INTS6L: variants seen among roughly 807,000 people sequenced by gnomAD.
INTS6L encodes integrator complex subunit 6-like.
INTS6L carries 18 observed loss-of-function variants against 64.7 expected under a neutral mutation model. The observed-to-expected ratio is 0.28, with a 90% CI of 0.19 to 0.41. The LOEUF (loss-of-function observed/expected upper bound fraction) is 0.41. Ranked by LOEUF, INTS6L falls within the 10% of genes least tolerant of loss-of-function variation. The pLI is 1.00. For missense variants in INTS6L, 533 were observed against 661.0 expected (o/e 0.81, Z 2.12); for synonymous variants, 227 against 235.9 (o/e 0.96, Z 0.34).
At chrX:135,563,643 A>G (rs1461355989) in intron 9 of INTS6L, among the ~76,000 whole-genome samples, 2 of 11,001 alleles carry the variant, frequency 1.8e-4, no homozygotes, top group African/African-American at 4.9e-4. Flanking sequence ...GTATATATAT[A>G]TATATATATA....
chrX:135,537,549 T>C (rs1490283526), intron 2 of INTS6L, among the ~76,000 whole-genome samples: 1 of 111,748 alleles, frequency 8.9e-6, no homozygotes, highest in East Asian at 2.8e-4. Context: ...ACAGTGGGAT[T>C]AAGTGACTTA....
intron 2 of INTS6L, among the ~76,000 whole-genome samples, chrX:135,527,136 C>T (rs2085761935): frequency 9.0e-6 from 1 of 111,731 alleles, no homozygotes; most frequent in Non-Finnish European, 1.9e-5. Flanking sequence ...TATAACGTTT[C>T]CATCAACCAG....
chrX:135,530,684 T>C, intron 2 of INTS6L, among the ~76,000 whole-genome samples: 1 of 111,856 alleles, frequency 8.9e-6, no homozygotes, highest in African/African-American at 3.3e-5. Flanking sequence ...TATCTGCTGG[T>C]GTGGTCTTCA....
At chrX:135,576,383 A>G (rs1556530970) in intron 14 of INTS6L, among the ~76,000 whole-genome samples, 1 of 110,612 alleles carries the variant, frequency 9.0e-6, no homozygotes, top group African/African-American at 3.3e-5. Flanking sequence ...GCATAATATT[A>G]AGTGAGTACA....
chrX:135,523,882 G>C (rs782051165), intron 2 of INTS6L, among the ~76,000 whole-genome samples: 1 of 111,754 alleles, frequency 8.9e-6, no homozygotes, highest in East Asian at 2.8e-4. Context: ...CCTTATGTAG[G>C]TCAGATATAT....
chrX:135,580,632 C>A (rs782777195), intron 16 of INTS6L, among the ~76,000 whole-genome samples: 5 of 112,446 alleles, frequency 4.4e-5, no homozygotes, highest in Admixed American at 9.4e-5. Flanking sequence ...CTGACCTCTG[C>A]TTCTGTCTTT....
chrX:135,560,309 G>A (rs1411686082), intron 9 of INTS6L, among the ~76,000 whole-genome samples: 1 of 111,897 alleles, frequency 8.9e-6, no homozygotes, highest in Non-Finnish European at 1.9e-5. Flanking sequence ...GGAGAGTTTT[G>A]TAGATTCCCT....
intron 8 of INTS6L, among the ~76,000 whole-genome samples, chrX:135,555,667 A>G (rs1475656733): frequency 9.0e-6 from 1 of 111,425 alleles, no homozygotes; most frequent in East Asian, 2.8e-4. Context: ...TTTATAGGAG[A>G]ATTGCGATCT....
chrX:135,531,992 A>G (rs2085924213), intron 2 of INTS6L, among the ~76,000 whole-genome samples: 1 of 112,072 alleles, frequency 8.9e-6, no homozygotes, highest in Non-Finnish European at 1.9e-5. Flanking sequence ...ATGCTTTAAA[A>G]TACTATTATA....
chrX:135,580,077 A>G lies in INTS6L; in HGVS notation c.2409A>G (p.Thr803=). Residue 803 remains threonine, a synonymous_variant, in exon 16 of 18, where the codon ACA becomes ACG. Transcript: ENST00000639893. The stretch of plus-strand genomic sequence containing the variant: ...CTACTTTGGGAGCTATGCCAAATAC[A>G]TTACAAATCACTCCTGCTATGGCAC... ...VASTLGAMPN[T]LQITPAMAQG... 2 of 1,209,075 alleles carry G rather than the reference A, an allele frequency of 1.7e-6. No individual in the cohort carries two copies. The highest frequency in any genetic ancestry group is 2.2e-6 in the Non-Finnish European group (2 of 893,643).
chrX:135,545,958 C>T (rs1041446470), intron 3 of INTS6L, among the ~76,000 whole-genome samples: 8 of 112,028 alleles, frequency 7.1e-5, no homozygotes, highest in East Asian at 2.8e-4. Flanking sequence ...GTCCTTTCCT[C>T]CTCTAAAGTC....
At chrX:135,549,080 C>T (rs1160785355) in intron 6 of INTS6L, among the ~76,000 whole-genome samples, 1 of 112,077 alleles carries the variant, frequency 8.9e-6, no homozygotes, top group Non-Finnish European at 1.9e-5. Context: ...TACACATTGT[C>T]TGCATTTCTT....
At chrX:135,553,209 T>G (rs907326364) in intron 8 of INTS6L, among the ~76,000 whole-genome samples, 2 of 112,049 alleles carry the variant, frequency 1.8e-5, no homozygotes, top group Admixed American at 1.9e-4. Flanking sequence ...GAAGTCGGGA[T>G]AGTGGTTTCT....
In INTS6L at chrX:135,552,028, C is replaced by T; in HGVS notation, c.941C>T (p.Ser314Phe). 8.3e-7 allele frequency: 1 copy of T among 1,202,201 alleles called. No homozygotes were observed. ...ACATCTCATCCTGTTGTGAGGTTCT[C>T]CTGTGTAGATTGTGAGCCAATGGTA... is the stretch of plus-strand genomic sequence containing the variant. ...PRTSHPVVRFSCVDCEPMVID... is the reference protein window; with the variant it reads ...PRTSHPVVRFFCVDCEPMVID... Residue 314 changes from serine to phenylalanine, a missense_variant, in exon 8 of 18, where the codon TCC becomes TTC. By Grantham distance (155) the Ser-to-Phe change is radical. Transcript: ENST00000639893.
At chrX:135,561,345 T>C (rs2086785804) in intron 9 of INTS6L, among the ~76,000 whole-genome samples, 1 of 112,400 alleles carries the variant, frequency 8.9e-6, no homozygotes. Flanking sequence ...AATTTTCAAA[T>C]ATTGAACCAG....
At position 135,551,899 on chromosome X, in the gene INTS6L, A is replaced by T. The variant is rs782193640; in HGVS notation, c.907-95A>T. 1.1e-5 allele frequency: 9 copies of T among 821,394 alleles called. No individual in the cohort carries two copies. The African/African-American group carries it at 1.9e-4, about 17-fold the overall frequency. 67.7% of individuals were successfully genotyped at this position (821,394 alleles called of 1,213,427 possible). A position where few individuals can be genotyped will look rare whatever the true frequency, so the allele number is the denominator to read the frequency against. On this transcript the variant is annotated intron_variant, in intron 7 of 17. Transcript: ENST00000639893. ...CTAGTCTGTATTTCAGTGAAAATGTAACAAAATATAAAACGACTTGCAGAA... is the reference window on the plus strand; with the variant it reads ...CTAGTCTGTATTTCAGTGAAAATGTTACAAAATATAAAACGACTTGCAGAA...
intron 16 of INTS6L, 93 bp downstream of exon 16, chrX:135,580,255 C>T: frequency 2.9e-6 from 3 of 1,031,250 alleles, no homozygotes; most frequent in East Asian, 3.1e-5. Flanking sequence ...TTGAGGTACA[C>T]TGGGGGCAAT....
intron 9 of INTS6L, among the ~76,000 whole-genome samples, chrX:135,568,717 A>AT (rs1216881826): frequency 3.7e-5 from 4 of 108,725 alleles, no homozygotes; most frequent in African/African-American, 6.7e-5. Flanking sequence ...ATTTTTGTTT[A>AT]TTTTTTTTAT....
At chrX:135,556,545 C>T (rs782197825) in intron 9 of INTS6L, among the ~76,000 whole-genome samples, 86 of 111,446 alleles carry the variant, frequency 7.7e-4, no homozygotes, top group African/African-American at 2.5e-3. Context: ...ATGCACACCC[C>T]ACCCCCAATC....
Sources: gnomAD v4.1 joint callset for allele counts (sites outside exome capture counted in the v4.1 genomes callset) on GRCh38, gnomAD v4.1.1 for gene constraint, MANE v1.5 for transcripts, NCBI Gene and HGNC (gene_info 2026-07-23, HGNC 2026-07-21) for gene names.